The following SORCS2 variants were observed in gnomAD, a reference collection of about 807,000 sequenced individuals.
SORCS2 encodes VPS10 domain-containing receptor SorCS2.
A neutral mutation model predicts 141.6 loss-of-function variants in SORCS2; 100 were observed. The ratio of observed to expected loss-of-function variants is 0.71; its 90% confidence interval spans 0.60 to 0.83. SORCS2 has a LOEUF of 0.83. Among genes scored for constraint, SORCS2 ranks in the 40% least tolerant of loss-of-function variants. The pLI is 0.00. For missense variants in SORCS2, 1,646 were observed against 1,560.2 expected, an observed-to-expected ratio of 1.05 and a Z score of -0.93; for synonymous variants, 789 against 676.9, an observed-to-expected ratio of 1.17 and a Z score of -2.57.
At chr4:7,677,623 C>A (rs1193738006) in intron 9 of SORCS2, among the ~76,000 whole-genome samples, 3 of 152,208 alleles carry the variant, frequency 2.0e-5, no homozygotes, top group Admixed American at 2.0e-4. Context: ...AGACCCTGGG[C>A]AGGCAGTGGC....
chr4:7,224,112 C>G (rs1349949760), intron 1 of SORCS2, among the ~76,000 whole-genome samples: 2 of 152,164 alleles, frequency 1.3e-5, no homozygotes, highest in East Asian at 1.9e-4. Flanking sequence ...CAGGGCCCCT[C>G]TAGGCACCGC....
chr4:7,274,536 A>G (rs1715358512), intron 1 of SORCS2, among the ~76,000 whole-genome samples: 1 of 152,124 alleles, frequency 6.6e-6, no homozygotes. Context: ...GAGGAAGAGG[A>G]GGAGTGGAGA....
chr4:7,275,154 C>A (rs962949526), intron 1 of SORCS2, among the ~76,000 whole-genome samples: 3 of 152,126 alleles, frequency 2.0e-5, no homozygotes, highest in African/African-American at 7.2e-5. Flanking sequence ...CCTAGTTGGG[C>A]ATAAGTGTCT....
chr4:7,322,415 T>G (rs1472334015), intron 1 of SORCS2, among the ~76,000 whole-genome samples: 3 of 152,204 alleles, frequency 2.0e-5, no homozygotes, highest in Admixed American at 2.0e-4. Flanking sequence ...CTGCTCTCAC[T>G]TTCCCGGGGC....
At chr4:7,550,780 C>T (rs1232774761) in intron 3 of SORCS2, among the ~76,000 whole-genome samples, 1 of 152,180 alleles carries the variant, frequency 6.6e-6, no homozygotes, top group Non-Finnish European at 1.5e-5. Flanking sequence ...TTTTACCAAA[C>T]AAAGTGGGGA....
rs150367382 is a variant in SORCS2 at position 7,738,852 on chromosome 4, G to A, written c.3416-1348G>A. Among the ~76,000 whole-genome samples the A allele has an allele frequency of 3.9e-5, 6 of 152,240 alleles. No individual in the cohort carries two copies. The East Asian group carries it at 5.8e-4, about 15-fold the overall frequency. On this transcript the variant is annotated intron_variant, in intron 26 of 26. Transcript: ENST00000507866. Reference sequence around the variant, plus strand: ...CAGGGCAGCTGAATGGACTGGCCACGGTCCCTCTCTGCCTCCCCTGCGCGC... The same window carrying A: ...CAGGGCAGCTGAATGGACTGGCCACAGTCCCTCTCTGCCTCCCCTGCGCGC...
chr4:7,537,522 G>C (rs1712229688), intron 3 of SORCS2, among the ~76,000 whole-genome samples: 1 of 152,198 alleles, frequency 6.6e-6, no homozygotes, highest in Non-Finnish European at 1.5e-5. Flanking sequence ...GTGCTAGAGA[G>C]AGAGAGCCCT....
intron 4 of SORCS2, among the ~76,000 whole-genome samples, chr4:7,647,092 C>T (rs957751388): frequency 7.9e-5 from 12 of 152,132 alleles, no homozygotes; most frequent in African/African-American, 2.4e-4. Context: ...AGCCAGGGGA[C>T]GAGAGGGAAG....
chr4:7,711,766 G>A (rs370056453), intron 14 of SORCS2, among the ~76,000 whole-genome samples: 101 of 152,176 alleles, frequency 6.6e-4, no homozygotes, highest in African/African-American at 2.2e-3. Context: ...TCTGTGCCTC[G>A]GCTTTCCATT....
intron 2 of SORCS2, among the ~76,000 whole-genome samples, chr4:7,448,201 T>G (rs963785755): frequency 6.6e-6 from 1 of 152,110 alleles, no homozygotes; most frequent in Non-Finnish European, 1.5e-5. Flanking sequence ...CCCTGTGGCG[T>G]GCAAGCAAGC....
rs537192024 is a variant in SORCS2, at chr4:7,331,971, G to A, written c.481-64317G>A. Among the ~76,000 whole-genome samples the A allele has an allele frequency of 4.5e-4, 68 of 152,284 alleles. 1 individual carries two copies. Among genetic ancestry groups the A allele is most frequent in the African/African-American group, 1.5e-3 (64 of 41,560 alleles). Reference sequence around the variant, plus strand: ...TCCAGCGTCCGCCCTCTGCCAGGCCGTCCTGAGAGCTGAAGACTCCCAGCT... The same window carrying A: ...TCCAGCGTCCGCCCTCTGCCAGGCCATCCTGAGAGCTGAAGACTCCCAGCT... On this transcript the variant is annotated intron_variant, in intron 1 of 26. Coordinates refer to ENST00000507866, the MANE Select transcript of SORCS2 (RefSeq NM_020777.3).
intron 25 of SORCS2, among the ~76,000 whole-genome samples, chr4:7,735,635 G>A (rs1468435525): frequency 6.6e-6 from 1 of 152,202 alleles, no homozygotes; most frequent in Non-Finnish European, 1.5e-5. Context: ...GTAAAATAGG[G>A]TCTGTCCTGT....
chr4:7,640,381 A>AGT (rs201204175), intron 4 of SORCS2, among the ~76,000 whole-genome samples: 7,560 of 119,576 alleles, frequency 0.063, 514 homozygotes, highest in African/African-American at 0.19. Flanking sequence ...AATGTACATG[A>AGT]GTGTGTGGGT....
chr4:7,653,534 C>T (rs1389714931), intron 4 of SORCS2, among the ~76,000 whole-genome samples: 2 of 152,210 alleles, frequency 1.3e-5, no homozygotes, highest in Non-Finnish European at 1.5e-5. Context: ...TGAGCCACCG[C>T]ACCTGGCCCT....
At chr4:7,388,549 C>T (rs930423287) in intron 1 of SORCS2, among the ~76,000 whole-genome samples, 3 of 152,172 alleles carry the variant, frequency 2.0e-5, no homozygotes, top group Non-Finnish European at 2.9e-5. Flanking sequence ...TGTTATCCCT[C>T]CCCGCTTCCC....
At chr4:7,724,904 A>ATGGTGG (rs1727070430) in intron 19 of SORCS2, among the ~76,000 whole-genome samples, 3 of 33,016 alleles carry the variant, frequency 9.1e-5, no homozygotes, top group African/African-American at 1.5e-4. Flanking sequence ...GATGGTGGTG[A>ATGGTGG]TAGTATTGGT....
At chr4:7,708,205 T>G (rs1725596240) in intron 14 of SORCS2, among the ~76,000 whole-genome samples, 1 of 152,214 alleles carries the variant, frequency 6.6e-6, no homozygotes, top group African/African-American at 2.4e-5. Flanking sequence ...GGGGCCTTCT[T>G]GCTTCCTGGG....
chr4:7,344,367 C>T (rs1193482881), intron 1 of SORCS2, among the ~76,000 whole-genome samples: 1 of 152,224 alleles, frequency 6.6e-6, no homozygotes, highest in Admixed American at 6.5e-5. Context: ...CCAGAAATGA[C>T]AGGAAACCAG....
At position 7,526,118 on chromosome 4, in the gene SORCS2, T is replaced by C. The variant is rs143008904; in HGVS notation, c.549-5412T>C. On this transcript the variant is annotated intron_variant, in intron 2 of 26. Transcript: ENST00000507866. Reference sequence around the variant, plus strand: ...ACAGCAGTAATGATGAGCCCTGCTATGCAGGTGCCACGACCCAGGCGCCAT... The same window carrying C: ...ACAGCAGTAATGATGAGCCCTGCTACGCAGGTGCCACGACCCAGGCGCCAT... 6.3e-3 allele frequency among the ~76,000 whole-genome samples: 958 copies of C among 152,376 alleles called. 4 individuals are homozygous for C. The highest frequency in any genetic ancestry group is 0.01 in the Non-Finnish European group (697 of 68,048).
Sources: gnomAD v4.1 joint callset for allele counts (sites outside exome capture counted in the v4.1 genomes callset) on GRCh38, gnomAD v4.1.1 for gene constraint, MANE v1.5 for transcripts, NCBI Gene and HGNC (gene_info 2026-07-23, HGNC 2026-07-21) for gene names.